The following DRP2 variants were observed in gnomAD, a reference collection of about 807,000 sequenced individuals.
DRP2 encodes dystrophin related protein 2.
Under a neutral mutation model 78.2 loss-of-function variants are expected in DRP2, and 29 were observed. That is an observed-to-expected ratio of 0.37 (90% CI 0.28 to 0.51). The LOEUF (loss-of-function observed/expected upper bound fraction) is 0.51. Ranked by LOEUF, DRP2 falls within the 20% of genes least tolerant of loss-of-function variation. The pLI is 0.94. For synonymous variants in DRP2, 290 were observed against 281.9 expected, an observed-to-expected ratio of 1.03 and a Z score of -0.29; for missense variants, 686 against 770.6, an observed-to-expected ratio of 0.89 and a Z score of 1.30.
rs376756200 is a variant in DRP2, at chrX:101,228,629, C to G, written c.-63-2956C>G. Among the ~76,000 whole-genome samples the G allele has an allele frequency of 7.2e-5, 8 of 111,635 alleles. No individual in the cohort carries two copies. The East Asian group carries it at 1.4e-3, about 20-fold the overall frequency. ...CAGCTGTTAAAAATCATGTTTTAGGCTGGGCGTGGTGGCTCACACCTGTAA... is the reference window on the plus strand; with the variant it reads ...CAGCTGTTAAAAATCATGTTTTAGGGTGGGCGTGGTGGCTCACACCTGTAA... On this transcript the variant is annotated intron_variant, in intron 2 of 23. Transcript: ENST00000395209.
chrX:101,242,914 G>A lies in DRP2; in HGVS notation c.986G>A (p.Ser329Asn). 7.4e-6 allele frequency: 9 copies of A among 1,211,283 alleles called. No homozygotes were observed. Among genetic ancestry groups the A allele is most frequent in the Non-Finnish European group, 1.0e-5 (9 of 895,217 alleles). The change falls in exon 9 of 24, where the codon AGT (serine) becomes AAT (asparagine). Residue 329 changes from serine to asparagine, a missense_variant. By Grantham distance (46) the Ser-to-Asn change is conservative (BLOSUM62 1). Around this residue, in one of 2 missense-constraint regions of DRP2, gnomAD observed 423 missense variants for 531.5 expected, o/e 0.80. Coordinates refer to ENST00000395209, the MANE Select transcript of DRP2 (RefSeq NM_001939.3). ...CTGTTCTTTCCATAGGCGTCAGTTA[G>A]TGAGAGGCTTAAGCAGCTCCAGGAT... ...VRWKQLQASV[S>N]ERLKQLQDAH...
chrX:101,244,041 T>TA (rs1922839385), intron 9 of DRP2, among the ~76,000 whole-genome samples: 1 of 111,725 alleles, frequency 9.0e-6, no homozygotes, highest in Non-Finnish European at 1.9e-5. Context: ...CTGGAGCATG[T>TA]AAGGCCTTGT....
chrX:101,253,027 CAG>C (rs1024054460), intron 17 of DRP2, among the ~76,000 whole-genome samples: 1 of 111,889 alleles, frequency 8.9e-6, no homozygotes, highest in African/African-American at 3.3e-5. Flanking sequence ...CAAACTAAAA[CAG>C]AGAGAGCAAG....
At chrX:101,245,219 T>G in intron 10 of DRP2, 142 bp downstream of exon 10, 1 of 819,359 alleles carries the variant, frequency 1.2e-6, no homozygotes, top group Non-Finnish European at 1.8e-6. Context: ...TCTCAAGATC[T>G]CAAGATTCTA....
Position 101,256,140 on chromosome X carries a change from C to T in DRP2, c.2269C>T (p.Arg757Trp), listed in dbSNP as rs201693431. 3.2e-5 allele frequency: 38 copies of T among 1,196,089 alleles called. 1 individual carries two copies. The highest frequency in any genetic ancestry group is 7.4e-5 in the South Asian group (4 of 53,862). Residue 757 changes from arginine to tryptophan, a missense_variant, in exon 21 of 24, where the codon CGG becomes TGG. Transcript: ENST00000395209. ...CAGAGACGAGGACCAGTACCTGCTG[C>T]GGCACTCCAGCCCCATCACAGACCG... ...DSIDEDQYLLRHSSPITDREP... is the reference protein window; with the variant it reads ...DSIDEDQYLLWHSSPITDREP...
At chrX:101,242,508 C>G in intron 8 of DRP2, 37 bp downstream of exon 8, 2 of 1,187,421 alleles carry the variant, frequency 1.7e-6, no homozygotes, top group Non-Finnish European at 2.3e-6. Context: ...TGGGGAGGTG[C>G]CTCCATATAA....
rs1365211274 is a variant in DRP2 at position 101,261,511 on chromosome X, C to A, written c.*890C>A. On this transcript the variant is annotated 3_prime_UTR_variant, in exon 24 of 24. Transcript: ENST00000395209. ...TGCTGAGCAAGGGAGTGTTGCTTTC[C>A]TTGGGTAAGGAAGAGGAAGCCCACC... is the stretch of plus-strand genomic sequence containing the variant. 2 of 111,145 alleles carry A rather than the reference C, an allele frequency of 1.8e-5. No individual in the cohort carries two copies. The highest frequency in any genetic ancestry group is 1.9e-4 in the Admixed American group (2 of 10,455). 9.2% of individuals were successfully genotyped at this position (111,145 alleles called of 1,213,427 possible). A position where few individuals can be genotyped will look rare whatever the true frequency, so the allele number is the denominator to read the frequency against.
Position 101,263,865 on chromosome X carries a change from G to A in DRP2, c.*3244G>A, listed in dbSNP as rs903068203. The A allele has an allele frequency of 5.4e-4, 60 of 111,606 alleles. No homozygotes were observed. Among genetic ancestry groups the A allele is most frequent in the African/African-American group, 1.9e-3 (58 of 30,707 alleles). 9.2% of individuals were successfully genotyped at this position (111,606 alleles called of 1,213,427 possible). Reference sequence around the variant, plus strand: ...CAGATTCATTTTAAGGAATATCTGTGCTTCCTGATGTGTGTGCTTGAGATT... The same window carrying A: ...CAGATTCATTTTAAGGAATATCTGTACTTCCTGATGTGTGTGCTTGAGATT... On this transcript the variant is annotated 3_prime_UTR_variant, in exon 24 of 24. Transcript: ENST00000395209.
intron 21 of DRP2, 149 bp downstream of exon 21, chrX:101,256,410 T>A: frequency 1.7e-6 from 1 of 597,896 alleles, no homozygotes; most frequent in Non-Finnish European, 2.4e-6. Context: ...AAAACGGGGA[T>A]GATGATCATC....
At chrX:101,252,435 A>G (rs1415776270) in intron 16 of DRP2, among the ~76,000 whole-genome samples, 170 bp from the exon 17 acceptor site, 1 of 112,040 alleles carries the variant, frequency 8.9e-6, no homozygotes, top group Non-Finnish European at 1.9e-5. Context: ...AAAGTTATTC[A>G]TCTATTGAGA....
chrX:101,238,167 G>A (rs1922579481), intron 5 of DRP2, among the ~76,000 whole-genome samples: 1 of 111,681 alleles, frequency 9.0e-6, no homozygotes. Context: ...GTTAACAATG[G>A]TTAACTCTAG....
rs866248767 is a variant in DRP2, at chrX:101,224,179, T to C, written c.-166-425T>C. Among the ~76,000 whole-genome samples the C allele has an allele frequency of 5.8e-3, 410 of 70,122 alleles. 13 individuals carry two copies. Among genetic ancestry groups the C allele is most frequent in the African/African-American group, 0.025 (388 of 15,379 alleles). The allele number at this position is 70,122 out of a possible 115,157, so 60.9% of individuals were successfully genotyped here. ...TCTCCCAAGAATAATAAATGTTTGC[T>C]GGGTTTTTTTTGTTTTTTTTTTTTT... is the stretch of plus-strand genomic sequence containing the variant. On this transcript the variant is annotated intron_variant, in intron 1 of 23. Transcript: ENST00000395209.
At chrX:101,227,573 AAGAC>A (rs1009727512) in intron 2 of DRP2, among the ~76,000 whole-genome samples, 1 of 111,756 alleles carries the variant, frequency 8.9e-6, no homozygotes, top group African/African-American at 3.3e-5. Flanking sequence ...AGGATCATGA[AAGAC>A]AGCACAGCCG....
At chrX:101,232,039 G>A (rs1191244399) in intron 3 of DRP2, among the ~76,000 whole-genome samples, 8 of 110,895 alleles carry the variant, frequency 7.2e-5, no homozygotes, top group Non-Finnish European at 1.1e-4. Context: ...AGAGTTACAG[G>A]TCCAGGAATG....
chrX:101,239,083 C>T lies in DRP2; in HGVS notation c.541C>T (p.Pro181Ser). Residue 181 changes from proline to serine, a missense_variant, in exon 6 of 24, where the codon CCT (proline) becomes TCT (serine). Pro to Ser is a moderately conservative substitution (Grantham distance 74, BLOSUM62 -1). Coordinates refer to ENST00000395209, the MANE Select transcript of DRP2 (RefSeq NM_001939.3). ...SQHPFEELEE[P>S]HSESKDTSPK... ...GCACCCATTTGAGGAGTTAGAGGAG[C>T]CTCATTCTGAGAGCAAAGGTAGGTG... 1 of 1,210,206 alleles carries T rather than the reference C, an allele frequency of 8.3e-7. No individual in the cohort carries two copies. Among genetic ancestry groups the T allele is most frequent in the Non-Finnish European group, 1.1e-6 (1 of 894,882 alleles).
rs1247134502 is a variant in DRP2, at chrX:101,219,813, T to TG, written c.-499dup. On this transcript the variant is annotated 5_prime_UTR_variant, in exon 1 of 24. An upstream open reading frame in the 5' UTR loses its in-frame stop. Transcript: ENST00000395209. The stretch of plus-strand genomic sequence containing the variant: ...CTTTCCTCCTCTGCTTCTAATGAAT[T>TG]GACATCTCCAAGAGCCGCCACATCT... 3 of 108,986 alleles carry TG rather than the reference T, an allele frequency of 2.8e-5. No homozygotes were observed. In the East Asian group the frequency reaches 8.7e-4, roughly 32 times the overall value. The allele number at this position is 108,986 out of a possible 1,213,427, so 9.0% of individuals were successfully genotyped here. A position where few individuals can be genotyped will look rare whatever the true frequency, so the allele number is the denominator to read the frequency against.
At chrX:101,225,032 G>GA (rs760828917) in intron 2 of DRP2, among the ~76,000 whole-genome samples, 13 of 110,854 alleles carry the variant, frequency 1.2e-4, no homozygotes, top group East Asian at 5.7e-4. Flanking sequence ...CTTATTTATT[G>GA]AAAAAAAAAT....
intron 6 of DRP2, among the ~76,000 whole-genome samples, chrX:101,240,403 T>G (rs1922676168): frequency 8.9e-6 from 1 of 111,824 alleles, no homozygotes; most frequent in Non-Finnish European, 1.9e-5. Flanking sequence ...ACCCAGCTAA[T>G]TTTTGTGTTT....
At chrX:101,256,292 G>A in intron 21 of DRP2, 31 bp downstream of exon 21, 1 of 1,128,273 alleles carries the variant, frequency 8.9e-7, no homozygotes, top group Non-Finnish European at 1.2e-6. Context: ...AATCTGTGTG[G>A]GTTCTTGAGG....
Sources: gnomAD v4.1 joint callset for allele counts (sites outside exome capture counted in the v4.1 genomes callset) on GRCh38, gnomAD v4.1.1 for gene constraint, gnomAD v4.1.1 regional missense constraint, MANE v1.5 for transcripts, NCBI Gene and HGNC (gene_info 2026-07-23, HGNC 2026-07-21) for gene names.